APOB: variants seen among roughly 807,000 people sequenced by gnomAD.
APOB encodes apolipoprotein B-100.
In APOB, 153 loss-of-function variants were observed where a neutral mutation model predicts 314.1. That is an observed-to-expected ratio of 0.49 (90% CI 0.43 to 0.56). The LOEUF (loss-of-function observed/expected upper bound fraction) is 0.56. APOB is among the 20% of genes least tolerant of loss of function. The probability of loss-of-function intolerance (pLI) is 0.00; values close to 1 mark genes in which losing one functional copy is unlikely to be tolerated. For synonymous variants in APOB, 2,087 were observed against 2,036.4 expected, an observed-to-expected ratio of 1.02 and a Z score of -0.67; for missense variants, 5,430 against 5,350.7, an observed-to-expected ratio of 1.01 and a Z score of -0.46.
In APOB at chr2:21,007,752, A is replaced by G; in HGVS notation, c.9116T>C (p.Phe3039Ser). Residue 3039 changes from phenylalanine to serine, a missense_variant, in exon 26 of 29, where the codon TTT becomes TCT. Physicochemically the swap from Phe to Ser is radical, Grantham distance 155. Around this residue, in one of 3 missense-constraint regions of APOB, gnomAD observed 3,281 missense variants for 3,171.0 expected, o/e 1.03. Coordinates refer to ENST00000233242, the MANE Select transcript of APOB (RefSeq NM_000384.3). ...CGTGATCTCAAATGGCTGGGCTGAA[A>G]AGAAAAGAGAATTTTTCAAAGTTCC... ...VIGTLKNSLFFSAQPFEITAS... is the reference protein window; with the variant it reads ...VIGTLKNSLFSSAQPFEITAS... The G allele has an allele frequency of 6.2e-7, 1 of 1,614,064 alleles. No homozygotes were observed. Among genetic ancestry groups the G allele is most frequent in the South Asian group, 1.1e-5 (1 of 91,082 alleles).
At position 21,014,513 on chromosome 2, in the gene APOB, C is replaced by G; in HGVS notation, c.3777G>C (p.Lys1259Asn). Residue 1259 changes from lysine (K) to asparagine (N), a missense_variant, in exon 24 of 29, where the codon AAG (lysine) becomes AAC (asparagine). Physicochemically the swap from Lys to Asn is moderately conservative, Grantham distance 94. Transcript: ENST00000233242. ...ATCCCATGTTCTGGAGGTTGAACTC[C>G]TTCAGGCTATTGAGGTGGTCTTGCA... ...QTLQDHLNSL[K>N]EFNLQNMGLP... is the part of the protein sequence containing the mutation. 4 of 1,614,088 alleles carry G rather than the reference C, an allele frequency of 2.5e-6. No individual in the cohort carries two copies. Among genetic ancestry groups the G allele is most frequent in the Non-Finnish European group, 3.4e-6 (4 of 1,180,006 alleles).
chr2:21,007,230 T>C lies in APOB; in HGVS notation c.9638A>G (p.Asn3213Ser). The C allele has an allele frequency of 6.2e-7, 1 of 1,613,414 alleles. No individual in the cohort carries two copies. Among genetic ancestry groups the C allele is most frequent in the Non-Finnish European group, 8.5e-7 (1 of 1,179,640 alleles). ...SFDRHFEKNR[N>S]NALDFVTKSY... ...TTTGGTGACAAAATCTAATGCATTG[T>C]TTCTGTTTTTTTCAAAATGCCTGTC... Residue 3213 changes from asparagine to serine, a missense_variant, in exon 26 of 29, where the codon AAC (asparagine) becomes AGC (serine). Physicochemically the swap from Asn to Ser is conservative, Grantham distance 46 (BLOSUM62 1). Around this residue, in one of 3 missense-constraint regions of APOB, gnomAD observed 3,281 missense variants for 3,171.0 expected, o/e 1.03. Transcript: ENST00000233242.
chr2:21,028,364 C>T lies in APOB; in HGVS notation c.1792G>A (p.Ala598Thr), dbSNP rs1663793047. The T allele has an allele frequency of 6.2e-7, 1 of 1,614,028 alleles. No homozygotes were observed. The highest frequency in any genetic ancestry group is 1.7e-5 in the Admixed American group (1 of 59,994). Residue 598 changes from alanine to threonine, a missense_variant, in exon 13 of 29, where the codon GCC (alanine) becomes ACC (threonine). Coordinates refer to ENST00000233242, the MANE Select transcript of APOB (RefSeq NM_000384.3). ...AATTCTTCTGAGTTCAAGATATTGG[C>T]AATATGGGAAGCCACAAAGTTCTTC... ...QVKNFVASHIANILNSEELDI... is the reference protein window; with the variant it reads ...QVKNFVASHITNILNSEELDI...
rs576323709 is a variant in APOB, at chr2:21,038,060, C to T, written c.435G>A (p.Pro145=). The T allele has an allele frequency of 2.6e-5, 42 of 1,614,020 alleles. No homozygotes were observed. Among genetic ancestry groups the T allele is most frequent in the Middle Eastern group, 1.6e-4 (1 of 6,084 alleles). ...IPEGKQVFLY[P]EKDEPTYILN... ...GGATGTAAGTAGGTTCATCTTTCTC[C>T]GGGTAAAGGAAAACCTGCTTCCCTT... Residue 145 remains proline, a synonymous_variant, in exon 5 of 29, where the codon CCG becomes CCA. Transcript: ENST00000233242.
Position 21,006,049 on chromosome 2 carries a change from G to A in APOB, c.10819C>T (p.Pro3607Ser). Residue 3607 changes from proline to serine, a missense_variant, in exon 26 of 29, where the codon CCC (proline) becomes TCC (serine). Physicochemically the swap from Pro to Ser is moderately conservative, Grantham distance 74 (BLOSUM62 -1). Around this residue, in one of 3 missense-constraint regions of APOB, gnomAD observed 3,281 missense variants for 3,171.0 expected, o/e 1.03. Coordinates refer to ENST00000233242, the MANE Select transcript of APOB (RefSeq NM_000384.3). ...SALVQVHASQ[P>S]SSFHDFPDLG... is the part of the protein sequence containing the mutation. ...TCAGGGAAATCATGGAAGGAACTGG[G>A]CTGACTTGCATGGACCTGAACAAGA... 6.2e-7 allele frequency: 1 copy of A among 1,614,028 alleles called. No individual in the cohort carries two copies. Among genetic ancestry groups the A allele is most frequent in the Non-Finnish European group, 8.5e-7 (1 of 1,179,962 alleles).
intron 4 of APOB, among the ~76,000 whole-genome samples, chr2:21,040,353 G>A (rs557647545): frequency 6.6e-6 from 1 of 152,316 alleles, no homozygotes; most frequent in African/African-American, 2.4e-5. Context: ...TATCCTGCCT[G>A]TATTCATACA....
chr2:21,041,541 T>C (rs1232312548), intron 3 of APOB, among the ~76,000 whole-genome samples: 1 of 152,258 alleles, frequency 6.6e-6, no homozygotes, highest in Admixed American at 6.5e-5. Context: ...TTTAGAGCTT[T>C]GCATATAGCT....
Position 21,018,945 on chromosome 2 carries a change from C to A in APOB, c.3121+47G>T, listed in dbSNP as rs747895145. ...ATGTCTTCTCCTCATGAATTCTGAA[C>A]CTGAGACTGCGAGCAGAGATGAGGC... On this transcript the variant is annotated intron_variant, in intron 20 of 28. Coordinates refer to ENST00000233242, the MANE Select transcript of APOB (RefSeq NM_000384.3). The A allele has an allele frequency of 1.9e-6, 3 of 1,613,338 alleles. No individual in the cohort carries two copies. The East Asian group carries it at 6.7e-5, about 36-fold the overall frequency.
chr2:21,022,471 T>C (rs1179222271), intron 18 of APOB, among the ~76,000 whole-genome samples: 1 of 152,184 alleles, frequency 6.6e-6, no homozygotes, highest in Non-Finnish European at 1.5e-5. Flanking sequence ...GGGAAAATAT[T>C]AATTTTCCAA....
chr2:21,014,381 T>A, intron 24 of APOB, 67 bp downstream of exon 24: 1 of 1,575,206 alleles, frequency 6.3e-7, no homozygotes, highest in Non-Finnish European at 8.7e-7. Flanking sequence ...AATGTCTAAA[T>A]CATGCTATGT....
Position 21,019,724 on chromosome 2 carries a change from T to C in APOB, c.2998A>G (p.Arg1000Gly). 6.2e-7 allele frequency: 1 copy of C among 1,614,074 alleles called. No individual in the cohort carries two copies. The highest frequency in any genetic ancestry group is 8.5e-7 in the Non-Finnish European group (1 of 1,179,988). ...GGTCAGGCACTGAGCATCTCTAACCTGGTGTCCCCGGTCAGCGGATAGTAG... is the reference window on the plus strand; with the variant it reads ...GGTCAGGCACTGAGCATCTCTAACCCGGTGTCCCCGGTCAGCGGATAGTAG... ...ASYYPLTGDT[R>G]LELELRPTGE... The change falls in exon 19 of 29, where the codon AGA becomes GGA. Residue 1000 changes from arginine to glycine, a missense_variant and splice_region_variant. This residue lies in a region of APOB where 2,085 missense variants were observed against 2,079.7 expected (regional missense o/e 1.00). Coordinates refer to ENST00000233242, the MANE Select transcript of APOB (RefSeq NM_000384.3).
chr2:21,032,517 A>C lies in APOB; in HGVS notation c.1189T>G (p.Trp397Gly). Residue 397 changes from tryptophan (W) to glycine (G), a missense_variant, in exon 10 of 29, where the codon TGG becomes GGG. By Grantham distance (184) the Trp-to-Gly change is radical. Coordinates refer to ENST00000233242, the MANE Select transcript of APOB (RefSeq NM_000384.3). The stretch of plus-strand genomic sequence containing the variant: ...GGGTTGGCATGCACACGTTTCAGCC[A>C]CTGGAGGATGTGAGTGGAGCACTGA... Reference protein sequence around the residue: ...QPQCSTHILQWLKRVHANPLL... With the variant: ...QPQCSTHILQGLKRVHANPLL... The C allele has an allele frequency of 1.2e-6, 2 of 1,614,194 alleles. No homozygotes were observed. The highest frequency in any genetic ancestry group is 1.7e-6 in the Non-Finnish European group (2 of 1,180,032).
chr2:21,035,073 C>A (rs777834840), intron 7 of APOB, among the ~76,000 whole-genome samples, 172 bp from the exon 8 acceptor site: 1 of 152,320 alleles, frequency 6.6e-6, no homozygotes, highest in Non-Finnish European at 1.5e-5. Flanking sequence ...TTCCTGGTCA[C>A]GCTAGTTATC....
At chr2:21,037,667 C>G (rs2103384545) in intron 5 of APOB, among the ~76,000 whole-genome samples, 1 of 152,154 alleles carries the variant, frequency 6.6e-6, no homozygotes, top group East Asian at 1.9e-4. Flanking sequence ...TACACCATAA[C>G]CCAGCAAACA....
intron 12 of APOB, among the ~76,000 whole-genome samples, chr2:21,029,295 A>G (rs1019905866): frequency 1.3e-5 from 2 of 152,222 alleles, no homozygotes; most frequent in South Asian, 2.1e-4. Flanking sequence ...ACTAAAAAAT[A>G]CAAAAATTAG....
Position 21,032,396 on chromosome 2 carries a change from C to A in APOB, c.1310G>T (p.Arg437Leu), listed in dbSNP as rs142114415. Residue 437 changes from arginine to leucine, a missense_variant, in exon 10 of 29, where the codon CGC (arginine) becomes CTC (leucine). Physicochemically the swap from Arg to Leu is moderately radical, Grantham distance 102 (BLOSUM62 -2). This residue lies in a region of APOB where 2,085 missense variants were observed against 2,079.7 expected (regional missense o/e 1.00). Coordinates refer to ENST00000233242, the MANE Select transcript of APOB (RefSeq NM_000384.3). ...REIFNMARDQ[R>L]SRATLYALSH... ...CAGCGCATACAAGGTGGCTCGGCTG[C>A]GCTGATCCCTCGCCATGTTGAAGAT... The A allele has an allele frequency of 1.2e-5, 20 of 1,613,848 alleles. No individual in the cohort carries two copies. In the African/African-American group the frequency reaches 2.5e-4, roughly 20 times the overall value.
Position 21,042,380 on chromosome 2 carries a change from G to A in APOB, c.218C>T (p.Ala73Val). The stretch of plus-strand genomic sequence containing the variant: ...CCATACCTTGCAGTTGATCCTGGTG[G>A]CACTTCTTGAATCAGCAGTCCCAGG... ...GVPGTADSRS[A>V]TRINCKVELE... Residue 73 changes from alanine to valine, a missense_variant, in exon 3 of 29, where the codon GCC (alanine) becomes GTC (valine). By Grantham distance (64) the Ala-to-Val change is moderately conservative. Around this residue, in one of 3 missense-constraint regions of APOB, gnomAD observed 2,085 missense variants for 2,079.7 expected, o/e 1.00. Coordinates refer to ENST00000233242, the MANE Select transcript of APOB (RefSeq NM_000384.3). 6.2e-7 allele frequency: 1 copy of A among 1,613,666 alleles called. No individual in the cohort carries two copies. The highest frequency in any genetic ancestry group is 8.5e-7 in the Non-Finnish European group (1 of 1,179,680).
At chr2:21,043,648 A>C in intron 1 of APOB, 97 bp from the exon 2 acceptor site, 1 of 1,533,456 alleles carries the variant, frequency 6.5e-7, no homozygotes. Context: ...TTCACCTTTC[A>C]GGAGGGAGGC....
In APOB at chr2:21,002,881, C is replaced by A. The variant is rs1042031; in HGVS notation, c.12541G>T (p.Glu4181Ter). The A allele has an allele frequency of 6.8e-6, 11 of 1,613,258 alleles. No homozygotes were observed. The highest frequency in any genetic ancestry group is 4.5e-5 in the East Asian group (2 of 44,852). Residue 4181 changes from glutamate to a stop codon, truncating the protein, a stop_gained, in exon 29 of 29, where the codon GAA becomes TAA. Transcript: ENST00000233242. LOFTEE classifies it low-confidence loss of function (END_TRUNC). ...VFDGLVRVTQ[E>*]FHMKVKHLID... is the part of the protein sequence containing the mutation. ...AGATGCTTGACTTTCATATGGAATT[C>A]TTGAGTAACTCGTACCAAGCCATCA... is the stretch of plus-strand genomic sequence containing the variant.
Sources: allele counts gnomAD v4.1 joint callset (sites outside exome capture counted in the v4.1 genomes callset), GRCh38; gene constraint gnomAD v4.1.1; regional missense constraint gnomAD v4.1.1; transcripts MANE v1.5; gene names NCBI Gene and HGNC (gene_info 2026-07-23, HGNC 2026-07-21).